The following FAR2 variants were observed in gnomAD, a reference collection of about 807,000 sequenced individuals.
FAR2 encodes the protein fatty acyl-CoA reductase 2.
FAR2 carries 19 observed loss-of-function variants against 56.0 expected under a neutral mutation model. The observed-to-expected ratio is 0.34, with a 90% CI of 0.24 to 0.50. The LOEUF (loss-of-function observed/expected upper bound fraction) is 0.50. Ranked by LOEUF, FAR2 falls within the 20% of genes least tolerant of loss-of-function variation. FAR2 has a pLI of 0.98. For synonymous variants in FAR2, 219 were observed against 218.8 expected (o/e 1.00, Z -0.01); for missense variants, 508 against 642.2 (o/e 0.79, Z 2.26).
intron 2 of FAR2, among the ~76,000 whole-genome samples, chr12:29,284,116 A>G (rs1221114221): frequency 6.6e-6 from 1 of 152,242 alleles, no homozygotes; most frequent in African/African-American, 2.4e-5. Context: ...GAAAACATTG[A>G]AAGGACAGTA....
chr12:29,154,129 T>C (rs888291648), intron 1 of FAR2, among the ~76,000 whole-genome samples: 3 of 152,200 alleles, frequency 2.0e-5, no homozygotes, highest in Non-Finnish European at 2.9e-5. Flanking sequence ...TCTTTCTGAC[T>C]TGAGCACATA....
chr12:29,195,397 AC>A (rs1950136402), intron 1 of FAR2, among the ~76,000 whole-genome samples: 1 of 152,200 alleles, frequency 6.6e-6, no homozygotes, highest in African/African-American at 2.4e-5. Flanking sequence ...TTATTACAAA[AC>A]ACTGACCCTA....
intron 1 of FAR2, among the ~76,000 whole-genome samples, chr12:29,173,193 A>G (rs1199629285): frequency 6.6e-6 from 1 of 152,184 alleles, no homozygotes; most frequent in Non-Finnish European, 1.5e-5. Context: ...TATATCAGAG[A>G]GGGAGAAGGG....
In FAR2 at chr12:29,280,883, A is replaced by G. The variant is rs541574429; in HGVS notation, c.189+10245A>G. ...AACTGTCACTGGGCATCTAACCACA[A>G]GGATGGCTGGAAAATGCATAGCTGT... is the stretch of plus-strand genomic sequence containing the variant. On this transcript the variant is annotated intron_variant, in intron 2 of 11. Coordinates refer to ENST00000536681, the MANE Select transcript of FAR2 (RefSeq NM_001271783.2). The G allele has an allele frequency of 2.0e-5, 3 of 152,368 alleles. No homozygotes were observed. The South Asian group carries it at 6.2e-4, about 32-fold the overall frequency. 9.4% of individuals were successfully genotyped at this position (152,368 alleles called of 1,614,324 possible). A position where few individuals can be genotyped will look rare whatever the true frequency, so the allele number is the denominator to read the frequency against.
chr12:29,187,371 T>G (rs1254163566), intron 1 of FAR2, among the ~76,000 whole-genome samples: 1 of 152,090 alleles, frequency 6.6e-6, no homozygotes, highest in Non-Finnish European at 1.5e-5. Context: ...ATCTTTTTAT[T>G]TCTGCTTGAC....
chr12:29,299,631 T>A (rs112130621), intron 4 of FAR2, among the ~76,000 whole-genome samples: 3 of 152,172 alleles, frequency 2.0e-5, no homozygotes, highest in African/African-American at 7.2e-5. Flanking sequence ...TAAGTTTTTT[T>A]AAAAAACAGG....
In FAR2 at chr12:29,170,255, G is replaced by T. The variant is rs538926545; in HGVS notation, c.-39+20848G>T. On this transcript the variant is annotated intron_variant, in intron 1 of 11. Coordinates refer to ENST00000536681, the MANE Select transcript of FAR2 (RefSeq NM_001271783.2). ...GTGTCTTTTTCCCTTAATCGCCTGG[G>T]AGGAAACATCTATCTCCTGTCCTGA... Among the ~76,000 whole-genome samples, 8 of 152,306 alleles carry T rather than the reference G, an allele frequency of 5.3e-5. No homozygotes were observed. In the East Asian group the frequency reaches 1.5e-3, roughly 29 times the overall value.
At chr12:29,231,256 AC>A (rs1297514513) in intron 1 of FAR2, among the ~76,000 whole-genome samples, 2 of 152,278 alleles carry the variant, frequency 1.3e-5, no homozygotes, top group Non-Finnish European at 2.9e-5. Context: ...GTGGTGGTAG[AC>A]GTGACCAGGC....
intron 1 of FAR2, among the ~76,000 whole-genome samples, chr12:29,269,594 A>C (rs903870452): frequency 1.6e-4 from 24 of 152,262 alleles, no homozygotes; most frequent in African/African-American, 5.8e-4. Context: ...ATAAGTGTCC[A>C]TGAAATCTTT....
chr12:29,171,889 AACTG>A (rs1317024976), intron 1 of FAR2: 5 of 142,072 alleles, frequency 3.5e-5, no homozygotes, highest in African/African-American at 1.4e-4. Context: ...CCTGCCGCCC[AACTG>A]ACTGGTAAGT....
chr12:29,234,016 G>A (rs1002692716), intron 1 of FAR2, among the ~76,000 whole-genome samples: 5 of 152,258 alleles, frequency 3.3e-5, no homozygotes, highest in Admixed American at 6.5e-5. Context: ...TGACACTGAT[G>A]AGAAATCTCA....
intron 10 of FAR2, among the ~76,000 whole-genome samples, chr12:29,328,842 T>C (rs1285912976): frequency 6.6e-6 from 1 of 151,498 alleles, no homozygotes; most frequent in Admixed American, 6.6e-5. Flanking sequence ...TGTATACATA[T>C]GTAACAAGCC....
At chr12:29,301,862 T>C (rs1307551980) in intron 4 of FAR2, 2 of 152,176 alleles carry the variant, frequency 1.3e-5, no homozygotes, top group Non-Finnish European at 2.9e-5. Flanking sequence ...TCAGACACAA[T>C]TTTTATCCAT....
At chr12:29,314,040 G>A (rs1295061187) in intron 8 of FAR2, among the ~76,000 whole-genome samples, 1 of 152,102 alleles carries the variant, frequency 6.6e-6, no homozygotes, top group Non-Finnish European at 1.5e-5. Flanking sequence ...TTAGTTGTAT[G>A]ATGTTTATGT....
intron 1 of FAR2, among the ~76,000 whole-genome samples, chr12:29,248,426 A>C (rs1464251684): frequency 6.6e-6 from 1 of 152,146 alleles, no homozygotes; most frequent in Non-Finnish European, 1.5e-5. Flanking sequence ...AAAACCAGCA[A>C]GTTTTTATTA....
rs34349053 is a variant in FAR2 at position 29,331,210 on chromosome 12, C to CTT, written c.1258-1377_1258-1376dup. On this transcript the variant is annotated intron_variant, in intron 10 of 11. Transcript: ENST00000536681. ...CGTGAAACTCTCCACTAAAGATAGGCTTTTTTTTTTTTTTAATGTCCAGGG... is the reference window on the plus strand; with the variant it reads ...CGTGAAACTCTCCACTAAAGATAGGCTTTTTTTTTTTTTTTTAATGTCCAGGG... 5.3e-4 allele frequency among the ~76,000 whole-genome samples: 75 copies of CTT among 142,118 alleles called. 1 individual carries two copies. The highest frequency in any genetic ancestry group is 1.2e-3 in the East Asian group (6 of 4,848). 93.2% of individuals were successfully genotyped at this position (142,118 alleles called of 152,430 possible).
intron 1 of FAR2, among the ~76,000 whole-genome samples, chr12:29,262,785 A>G (rs1300021284): frequency 1.3e-5 from 2 of 152,164 alleles, no homozygotes; most frequent in Non-Finnish European, 2.9e-5. Context: ...GGCAGAGGGA[A>G]GTCATTACTT....
At chr12:29,297,680 G>GA (rs926723916) in intron 4 of FAR2, among the ~76,000 whole-genome samples, 1 of 152,116 alleles carries the variant, frequency 6.6e-6, no homozygotes, top group Non-Finnish European at 1.5e-5. Context: ...TTGTGAGGTT[G>GA]AAAAAAGTTA....
At chr12:29,276,432 A>G (rs1014198636) in intron 2 of FAR2, among the ~76,000 whole-genome samples, 1 of 152,270 alleles carries the variant, frequency 6.6e-6, no homozygotes, top group African/African-American at 2.4e-5. Flanking sequence ...GTGGGTAACA[A>G]GAACAGATTC....
Sources: allele counts gnomAD v4.1 joint callset (sites outside exome capture counted in the v4.1 genomes callset), GRCh38; gene constraint gnomAD v4.1.1; transcripts MANE v1.5; gene names NCBI Gene and HGNC (gene_info 2026-07-23, HGNC 2026-07-21).